The following RUVBL2 variants were observed in gnomAD, a reference collection of about 807,000 sequenced individuals.
RUVBL2 encodes the protein ruvB-like 2.
In RUVBL2, 9 loss-of-function variants were observed where a neutral mutation model predicts 57.9. The ratio of observed to expected loss-of-function variants is 0.16; its 90% confidence interval spans 0.09 to 0.27. The LOEUF (loss-of-function observed/expected upper bound fraction) is 0.27. RUVBL2 is among the 10% of genes least tolerant of loss of function. RUVBL2 has a pLI of 1.00. For missense variants in RUVBL2, 456 were observed against 669.6 expected (o/e 0.68, Z 3.52); for synonymous variants, 278 against 264.6 (o/e 1.05, Z -0.49).
chr19:48,996,401 A>G (rs1485419780), intron 1 of RUVBL2, among the ~76,000 whole-genome samples: 1 of 151,844 alleles, frequency 6.6e-6, no homozygotes, highest in African/African-American at 2.4e-5. Flanking sequence ...GGCTCCCTGC[A>G]GCCTCTGCCT....
chr19:49,004,065 A>G (rs528040626), intron 3 of RUVBL2: 130 of 606,110 alleles, frequency 2.1e-4, no homozygotes, highest in Non-Finnish European at 3.3e-4. Flanking sequence ...ACAGTGAGCC[A>G]TGATTGTACC....
At chr19:49,012,912 G>A (rs2039461154) in intron 11 of RUVBL2, among the ~76,000 whole-genome samples, 1 of 148,864 alleles carries the variant, frequency 6.7e-6, no homozygotes, top group South Asian at 2.1e-4. Flanking sequence ...CAGTCCTCTG[G>A]CCTCAGCCTC....
chr19:48,999,531 G>C (rs1247270890), intron 2 of RUVBL2, among the ~76,000 whole-genome samples, 158 bp downstream of exon 2: 1 of 152,170 alleles, frequency 6.6e-6, no homozygotes, highest in East Asian at 1.9e-4. Flanking sequence ...AATGGGGGAG[G>C]AGGATCCTCA....
At chr19:49,001,161 A>G (rs1442787877) in intron 2 of RUVBL2, among the ~76,000 whole-genome samples, 2 of 147,600 alleles carry the variant, frequency 1.4e-5, no homozygotes, top group Non-Finnish European at 3.0e-5. Context: ...AAAAATAAAA[A>G]CATTTTTTTT....
At chr19:49,012,321 T>C (rs540508715) in intron 11 of RUVBL2, among the ~76,000 whole-genome samples, 1 of 152,046 alleles carries the variant, frequency 6.6e-6, no homozygotes, top group South Asian at 2.1e-4. Context: ...GCTCAGAAGG[T>C]AGATATCACC....
chr19:49,010,123 C>A, intron 8 of RUVBL2, 57 bp downstream of exon 8: 1 of 1,456,798 alleles, frequency 6.9e-7, no homozygotes, highest in South Asian at 1.2e-5. Context: ...TTTTCATCTC[C>A]TCCATCACCC....
In RUVBL2 at chr19:49,010,076, G is replaced by C. The variant is rs773502776; in HGVS notation, c.663+10G>C. On this transcript the variant is annotated intron_variant, in intron 8 of 14. Transcript: ENST00000595090. ...CGCTATGGGCTCCCAGGTGCGGCCG[G>C]GACTCCCGGGATCCCCTCGCCCCCA... 4 of 1,605,378 alleles carry C rather than the reference G, an allele frequency of 2.5e-6. No individual in the cohort carries two copies. The highest frequency in any genetic ancestry group is 3.4e-6 in the Non-Finnish European group (4 of 1,176,534).
intron 1 of RUVBL2, among the ~76,000 whole-genome samples, chr19:48,998,633 C>T (rs2039112910): frequency 6.7e-6 from 1 of 150,298 alleles, no homozygotes; most frequent in Non-Finnish European, 1.5e-5. Flanking sequence ...CGGTTAAACC[C>T]AGGAGGCGGA....
intron 6 of RUVBL2, among the ~76,000 whole-genome samples, chr19:49,009,440 TCA>T (rs2039359395): frequency 6.6e-6 from 1 of 151,660 alleles, no homozygotes; most frequent in Non-Finnish European, 1.5e-5. Flanking sequence ...TGAGCCGAGA[TCA>T]TGCTACTACA....
chr19:48,993,556 A>C, upstream of RUVBL2: 1 of 458,908 alleles, frequency 2.2e-6, no homozygotes, highest in East Asian at 4.2e-5. Flanking sequence ...TGGAGGCCTC[A>C]AAGTGGGGAG....
At chr19:48,993,760 G>C (rs1220528561), upstream of RUVBL2, 2 of 978,554 alleles carry the variant, frequency 2.0e-6, no homozygotes, top group Non-Finnish European at 3.1e-6. Context: ...GTGGGAGGGC[G>C]GGGCATAAAG....
At chr19:49,010,205 A>G in intron 8 of RUVBL2, 139 bp downstream of exon 8, 2 of 873,972 alleles carry the variant, frequency 2.3e-6, no homozygotes, top group Non-Finnish European at 3.6e-6. Flanking sequence ...TCTTCCCTGT[A>G]ACCCTAGGAC....
At chr19:49,002,976 A>G (rs78964204) in intron 2 of RUVBL2, among the ~76,000 whole-genome samples, 2 of 152,210 alleles carry the variant, frequency 1.3e-5, no homozygotes, top group South Asian at 4.1e-4. Context: ...AATTGTGATC[A>G]TTAGCCCTTG....
intron 6 of RUVBL2, among the ~76,000 whole-genome samples, chr19:49,009,564 T>C (rs1394227450): frequency 2.0e-5 from 3 of 152,218 alleles, no homozygotes; most frequent in Non-Finnish European, 4.4e-5. Flanking sequence ...GTATGGTCCG[T>C]TGGGACATAC....
Position 49,004,622 on chromosome 19 carries a change from C to T in RUVBL2, c.265+204C>T, listed in dbSNP as rs185493177. ...GCAGTTCCAGGAAGTCTTCCATCTTCCTGCCTCACCATCCTCTGCACTTGG... is the reference window on the plus strand; with the variant it reads ...GCAGTTCCAGGAAGTCTTCCATCTTTCTGCCTCACCATCCTCTGCACTTGG... On this transcript the variant is annotated intron_variant, in intron 4 of 14. Coordinates refer to ENST00000595090, the MANE Select transcript of RUVBL2 (RefSeq NM_006666.3). 6.4e-4 allele frequency among the ~76,000 whole-genome samples: 97 copies of T among 152,224 alleles called. 3 individuals are homozygous for T. The highest frequency in any genetic ancestry group is 7.4e-5 in the Non-Finnish European group (5 of 68,010).
chr19:49,004,453 T>C (rs752930052), intron 4 of RUVBL2, 35 bp downstream of exon 4: 14 of 1,585,726 alleles, frequency 8.8e-6, no homozygotes, highest in Admixed American at 1.7e-5. Flanking sequence ...CTCTCCTGTT[T>C]CCTGCTAAAT....
At chr19:49,001,217 A>C (rs1600173362) in intron 2 of RUVBL2, 1 of 149,110 alleles carries the variant, frequency 6.7e-6, no homozygotes, top group East Asian at 2.0e-4. Flanking sequence ...GCTGGAGTGC[A>C]GTGGCGCAAT....
chr19:49,010,467 T>TCTCCCCCC, intron 8 of RUVBL2, 21 bp from the exon 9 acceptor site: 1 of 1,401,208 alleles, frequency 7.1e-7, no homozygotes, highest in Non-Finnish European at 9.9e-7. Context: ...CCGCCGTTCT[T>TCTCCCCCC]CCCCCACCCC....
chr19:49,006,901 G>A (rs911840111), intron 4 of RUVBL2, 117 bp from the exon 5 acceptor site: 3 of 1,363,012 alleles, frequency 2.2e-6, no homozygotes, highest in African/African-American at 2.9e-5. Flanking sequence ...GTCCTTACAT[G>A]TAGGATGGCA....
Sources: allele counts gnomAD v4.1 joint callset (sites outside exome capture counted in the v4.1 genomes callset), GRCh38; gene constraint gnomAD v4.1.1; transcripts MANE v1.5; gene names NCBI Gene and HGNC (gene_info 2026-07-23, HGNC 2026-07-21).